The following CHODL variants were observed in gnomAD, a reference collection of about 807,000 sequenced individuals.
The protein encoded by CHODL is transmembrane protein MT75.
Under a neutral mutation model 34.5 loss-of-function variants are expected in CHODL, and 29 were observed. The observed-to-expected ratio is 0.84, with a 90% CI of 0.63 to 1.15. The LOEUF (loss-of-function observed/expected upper bound fraction) is 1.15, where lower values mean the gene tolerates loss of function less well. CHODL is among the 50% of genes most tolerant of loss of function. The pLI is 0.00. For synonymous variants in CHODL, 125 were observed against 116.1 expected, an observed-to-expected ratio of 1.08 and a Z score of -0.49; for missense variants, 332 against 332.5, an observed-to-expected ratio of 1.00 and a Z score of 0.01.
intron 1 of CHODL, among the ~76,000 whole-genome samples, chr21:17,974,211 G>A (rs1435569943): frequency 1.3e-5 from 2 of 152,204 alleles, no homozygotes; most frequent in African/African-American, 2.4e-5. Context: ...AACCTGGTTA[G>A]TGGGGAATCA....
intron 2 of CHODL, among the ~76,000 whole-genome samples, chr21:18,232,942 G>GATATAT (rs371388519): frequency 0.016 from 1,940 of 119,308 alleles, 35 homozygotes; most frequent in African/African-American, 0.026. Flanking sequence ...ATGATGTTAT[G>GATATAT]ATATATATAT....
chr21:18,039,196 A>C (rs2146451027), intron 2 of CHODL, among the ~76,000 whole-genome samples: 1 of 151,874 alleles, frequency 6.6e-6, no homozygotes. Flanking sequence ...AACACATTAC[A>C]AATAAATCTG....
chr21:18,216,940 G>T (rs1207541827), intron 2 of CHODL, among the ~76,000 whole-genome samples: 1 of 152,110 alleles, frequency 6.6e-6, no homozygotes, highest in Non-Finnish European at 1.5e-5. Flanking sequence ...TACAATTCAA[G>T]ATGAGATTTG....
chr21:18,267,101 C>T lies in CHODL; in HGVS notation c.*1063C>T, dbSNP rs147385043. ...GTGGTTGAGACCAGGTGAATAGTCA[C>T]TATCAGTGTGGAGACAAGCACAGCA... On this transcript the variant is annotated 3_prime_UTR_variant, in exon 6 of 6. Transcript: ENST00000299295. 3.9e-5 allele frequency: 6 copies of T among 152,320 alleles called. No homozygotes were observed. Among genetic ancestry groups the T allele is most frequent in the African/African-American group, 1.2e-4 (5 of 41,566 alleles). The allele number at this position is 152,320 out of a possible 1,614,324, so 9.4% of individuals were successfully genotyped here. A position where few individuals can be genotyped will look rare whatever the true frequency, so the allele number is the denominator to read the frequency against.
chr21:18,085,081 C>G (rs572747284), intron 2 of CHODL, among the ~76,000 whole-genome samples: 1 of 151,816 alleles, frequency 6.6e-6, no homozygotes, highest in South Asian at 2.1e-4. Context: ...TTAAAATGTT[C>G]TATTTATTTA....
chr21:17,965,193 T>C (rs2063562396), intron 1 of CHODL, among the ~76,000 whole-genome samples: 1 of 152,158 alleles, frequency 6.6e-6, no homozygotes, highest in Admixed American at 6.5e-5. Flanking sequence ...ACACATCTGG[T>C]CTCCAGTTAT....
At chr21:18,131,152 C>CAG (rs372980813) in intron 2 of CHODL, among the ~76,000 whole-genome samples, 27 of 149,802 alleles carry the variant, frequency 1.8e-4, no homozygotes, top group African/African-American at 2.4e-4. Context: ...ACAGAGAGAG[C>CAG]AGAGAGAGAG....
chr21:18,069,829 CAA>C (rs1268242695), intron 2 of CHODL, among the ~76,000 whole-genome samples: 1 of 151,852 alleles, frequency 6.6e-6, no homozygotes. Context: ...AGGCTGGTCT[CAA>C]ACTCCTGGGC....
chr21:17,927,878 T>C (rs967984441), intron 1 of CHODL, among the ~76,000 whole-genome samples: 2 of 152,244 alleles, frequency 1.3e-5, no homozygotes, highest in African/African-American at 2.4e-5. Context: ...AAGATGTAGC[T>C]GCTCTTCCAC....
At chr21:18,103,775 C>G (rs1337023901) in intron 2 of CHODL, among the ~76,000 whole-genome samples, 1 of 152,032 alleles carries the variant, frequency 6.6e-6, no homozygotes, top group African/African-American at 2.4e-5. Flanking sequence ...AGTGAACATC[C>G]CACTGGACCC....
chr21:18,191,731 T>A (rs2073513005), intron 2 of CHODL, among the ~76,000 whole-genome samples: 1 of 152,154 alleles, frequency 6.6e-6, no homozygotes, highest in African/African-American at 2.4e-5. Context: ...AGATTTCGCT[T>A]ATATATGAGG....
chr21:18,075,627 T>A (rs1157523967), intron 2 of CHODL, among the ~76,000 whole-genome samples: 1 of 152,194 alleles, frequency 6.6e-6, no homozygotes, highest in Non-Finnish European at 1.5e-5. Flanking sequence ...TGGTATTTAA[T>A]CAATGGTAGC....
chr21:18,055,202 C>T (rs1209635438), intron 2 of CHODL, among the ~76,000 whole-genome samples: 1 of 151,882 alleles, frequency 6.6e-6, no homozygotes, highest in African/African-American at 2.4e-5. Flanking sequence ...AAATATGTAA[C>T]TGGAACTGAA....
At chr21:17,979,690 C>T (rs1351438493) in intron 1 of CHODL, among the ~76,000 whole-genome samples, 2 of 152,126 alleles carry the variant, frequency 1.3e-5, no homozygotes, top group Non-Finnish European at 2.9e-5. Context: ...CAAATGGAAA[C>T]TTGTATTTTG....
chr21:18,158,961 T>C (rs2073065560), intron 2 of CHODL, among the ~76,000 whole-genome samples: 1 of 152,196 alleles, frequency 6.6e-6, no homozygotes, highest in Non-Finnish European at 1.5e-5. Flanking sequence ...CACAAGTAGA[T>C]TCGGTTTTTA....
At chr21:17,963,188 C>T (rs979080422) in intron 1 of CHODL, among the ~76,000 whole-genome samples, 6 of 152,046 alleles carry the variant, frequency 3.9e-5, no homozygotes, top group African/African-American at 1.4e-4. Context: ...TTTGGATACA[C>T]CAGAGATTCC....
chr21:18,266,863 A>C lies in CHODL; in HGVS notation c.*825A>C, dbSNP rs1053453763. ...AATTTGAACAAAAGAAGTGACATAC[A>C]CAATATAAATCATATGTCTTCACAC... On this transcript the variant is annotated 3_prime_UTR_variant, in exon 6 of 6. Transcript: ENST00000299295. The C allele has an allele frequency of 6.6e-6, 1 of 152,652 alleles. No individual in the cohort carries two copies. Among genetic ancestry groups the C allele is most frequent in the Non-Finnish European group, 1.5e-5 (1 of 68,064 alleles). 9.5% of individuals were successfully genotyped at this position (152,652 alleles called of 1,614,324 possible). A position where few individuals can be genotyped will look rare whatever the true frequency, so the allele number is the denominator to read the frequency against.
chr21:18,266,364 T>C lies in CHODL; in HGVS notation c.*326T>C. 9.4e-6 allele frequency: 5 copies of C among 533,432 alleles called. No individual in the cohort carries two copies. In the South Asian group the frequency reaches 1.2e-4, roughly 13 times the overall value. The allele number at this position is 533,432 out of a possible 1,614,324, so 33.0% of individuals were successfully genotyped here. A position where few individuals can be genotyped will look rare whatever the true frequency, so the allele number is the denominator to read the frequency against. ...TGTTAGAAGCAATTCCTTTTATTTC[T>C]TTCACCTTTCATAAGTTGTTATCTA... On this transcript the variant is annotated 3_prime_UTR_variant, in exon 6 of 6. Coordinates refer to ENST00000299295, the MANE Select transcript of CHODL (RefSeq NM_024944.3).
chr21:18,193,222 A>G (rs891755532), intron 2 of CHODL, among the ~76,000 whole-genome samples: 2 of 152,198 alleles, frequency 1.3e-5, no homozygotes, highest in Non-Finnish European at 2.9e-5. Context: ...TTATTGAATT[A>G]TTATACTCAT....
Sources: allele counts gnomAD v4.1 joint callset (sites outside exome capture counted in the v4.1 genomes callset), GRCh38; gene constraint gnomAD v4.1.1; transcripts MANE v1.5; gene names NCBI Gene and HGNC (gene_info 2026-07-23, HGNC 2026-07-21).